The following ZNF532 variants were observed in gnomAD, a reference collection of about 807,000 sequenced individuals.
ZNF532 encodes the protein zinc finger protein 532.
ZNF532 carries 22 observed loss-of-function variants against 89.3 expected under a neutral mutation model. That is an observed-to-expected ratio of 0.25 (90% CI 0.18 to 0.35). The LOEUF (loss-of-function observed/expected upper bound fraction) is 0.35. Among genes scored for constraint, ZNF532 ranks in the 10% least tolerant of loss-of-function variants. The pLI is 1.00. For synonymous variants in ZNF532, 606 were observed against 649.6 expected (o/e 0.93, Z 1.02); for missense variants, 1,132 against 1,643.4 (o/e 0.69, Z 5.38).
chr18:58,967,632 A>G (rs914092560), intron 7 of ZNF532, among the ~76,000 whole-genome samples: 22 of 151,840 alleles, frequency 1.4e-4, no homozygotes, highest in African/African-American at 4.8e-4. Context: ...CCTCAAGGGC[A>G]TGGAGAGCCT....
chr18:58,913,118 G>C (rs576088912), intron 2 of ZNF532, among the ~76,000 whole-genome samples: 11 of 152,084 alleles, frequency 7.2e-5, no homozygotes, highest in African/African-American at 2.7e-4. Context: ...AGTTGGAAGA[G>C]AAGAGAGAAG....
intron 2 of ZNF532, among the ~76,000 whole-genome samples, chr18:58,883,494 TG>T (rs1023705705): frequency 2.6e-5 from 4 of 152,168 alleles, no homozygotes; most frequent in African/African-American, 9.7e-5. Flanking sequence ...CAGGGTCGGC[TG>T]GAACAGAGAA....
intron 7 of ZNF532, among the ~76,000 whole-genome samples, chr18:58,975,639 T>G (rs1328936517): frequency 6.6e-6 from 1 of 152,202 alleles, no homozygotes; most frequent in Non-Finnish European, 1.5e-5. Flanking sequence ...ATTAATGCTT[T>G]CTTTCCTGAA....
chr18:58,917,871 A>G (rs1189050181), intron 2 of ZNF532, among the ~76,000 whole-genome samples: 1 of 152,188 alleles, frequency 6.6e-6, no homozygotes, highest in African/African-American at 2.4e-5. Context: ...GGTGACGATG[A>G]TAGTGATAAT....
chr18:58,879,161 G>A (rs1384646324), intron 2 of ZNF532, among the ~76,000 whole-genome samples: 1 of 152,088 alleles, frequency 6.6e-6, no homozygotes, highest in East Asian at 1.9e-4. Flanking sequence ...GGCGGGGCCT[G>A]CTACAGTAGG....
chr18:58,938,377 G>C (rs1603240237), intron 4 of ZNF532, among the ~76,000 whole-genome samples: 2 of 152,204 alleles, frequency 1.3e-5, no homozygotes, highest in African/African-American at 2.4e-5. Context: ...AAAAAGATGA[G>C]ATAGAGGAGA....
intron 2 of ZNF532, among the ~76,000 whole-genome samples, chr18:58,868,160 G>C (rs1271921552): frequency 6.6e-6 from 1 of 152,160 alleles, no homozygotes; most frequent in Non-Finnish European, 1.5e-5. Context: ...TGAAGCAGAG[G>C]TTGCCAACAC....
chr18:58,925,243 AGGGATCCAGTTTC>A (rs1214571580), intron 3 of ZNF532, among the ~76,000 whole-genome samples: 5 of 152,172 alleles, frequency 3.3e-5, no homozygotes, highest in Admixed American at 1.3e-4. Context: ...GCAACACACG[AGGGATCCAGTTTC>A]TCTGCATCCT....
chr18:58,958,703 C>T (rs1603295211), intron 7 of ZNF532, among the ~76,000 whole-genome samples: 1 of 152,334 alleles, frequency 6.6e-6, no homozygotes, highest in South Asian at 2.1e-4. Flanking sequence ...ACACAAGTTG[C>T]AGTCTAGGTT....
intron 4 of ZNF532, among the ~76,000 whole-genome samples, chr18:58,937,805 A>G (rs1018119516): frequency 9.9e-5 from 15 of 152,222 alleles, no homozygotes; most frequent in African/African-American, 3.6e-4. Flanking sequence ...ACTGGCCCAG[A>G]GAGGAGCATT....
intron 2 of ZNF532, among the ~76,000 whole-genome samples, chr18:58,911,180 G>A (rs1200093049): frequency 6.6e-6 from 1 of 152,232 alleles, no homozygotes; most frequent in African/African-American, 2.4e-5. Context: ...GAGCACCAAG[G>A]GTTCCAGGGT....
At chr18:58,944,828 C>CT (rs1175537327) in intron 5 of ZNF532, among the ~76,000 whole-genome samples, 4 of 152,172 alleles carry the variant, frequency 2.6e-5, no homozygotes, top group Admixed American at 6.5e-5. Context: ...ATCTTTGCAT[C>CT]TTTTTCCCCC....
intron 2 of ZNF532, among the ~76,000 whole-genome samples, chr18:58,885,042 T>A (rs1398748624): frequency 1.3e-5 from 2 of 151,520 alleles, no homozygotes; most frequent in Non-Finnish European, 1.5e-5. Context: ...AGGTTAGAGT[T>A]CAGTGGCATG....
At chr18:58,942,073 A>T (rs1181987014) in intron 5 of ZNF532, among the ~76,000 whole-genome samples, 3 of 137,894 alleles carry the variant, frequency 2.2e-5, no homozygotes, top group Admixed American at 8.0e-5. Context: ...CCCAGGCTGG[A>T]GTGCAGTGGC....
At chr18:58,926,692 T>G (rs1388521191) in intron 3 of ZNF532, among the ~76,000 whole-genome samples, 1 of 152,218 alleles carries the variant, frequency 6.6e-6, no homozygotes, top group Non-Finnish European at 1.5e-5. Flanking sequence ...TTGTTAGATT[T>G]CTTTTTTCAA....
chr18:58,963,679 C>T (rs756188753), intron 7 of ZNF532, among the ~76,000 whole-genome samples: 10 of 150,442 alleles, frequency 6.6e-5, no homozygotes, highest in Non-Finnish European at 1.3e-4. Flanking sequence ...CCCACTTGGC[C>T]GGGTGCAGTG....
intron 2 of ZNF532, among the ~76,000 whole-genome samples, chr18:58,872,151 T>C (rs986773818): frequency 6.6e-6 from 1 of 152,154 alleles, no homozygotes; most frequent in African/African-American, 2.4e-5. Flanking sequence ...ACATATTCCT[T>C]ATGAAGGATC....
In ZNF532 at chr18:58,919,098, A is replaced by G; in HGVS notation, c.811A>G (p.Ile271Val). ...GTCGTCCTCCAAGCTCTCGTCCTGC[A>G]TCGCTGCCATCGCGGCTCTCAGCGC... Reference protein sequence around the residue: ...TKSSSKLSSCIAAIAALSAKK... With the variant: ...TKSSSKLSSCVAAIAALSAKK... The change falls in exon 3 of 10, where the codon ATC becomes GTC. Residue 271 changes from isoleucine to valine, a missense_variant. Ile to Val is a conservative substitution (Grantham distance 29, BLOSUM62 3). Around this residue, in one of 9 missense-constraint regions of ZNF532, gnomAD observed 302 missense variants for 319.8 expected, o/e 0.94. Coordinates refer to ENST00000591808, the MANE Select transcript of ZNF532 (RefSeq NM_001375912.1). The surrounding 1 kb of genome is among the most constrained non-coding windows in gnomAD (Gnocchi z 6.1). The G allele has an allele frequency of 9.9e-6, 16 of 1,614,212 alleles. No homozygotes were observed. The highest frequency in any genetic ancestry group is 1.4e-5 in the Non-Finnish European group (16 of 1,180,032).
At chr18:58,904,927 C>T (rs1236601891) in intron 2 of ZNF532, among the ~76,000 whole-genome samples, 4 of 151,586 alleles carry the variant, frequency 2.6e-5, no homozygotes, top group South Asian at 2.1e-4. Flanking sequence ...CTGCAACCTC[C>T]GACTCCAGAG....
Sources: gnomAD v4.1 joint callset for allele counts (sites outside exome capture counted in the v4.1 genomes callset) on GRCh38, gnomAD v4.1.1 for gene constraint, gnomAD v4.1.1 regional missense constraint, Gnocchi (gnomAD v3.1) non-coding constraint, MANE v1.5 for transcripts, NCBI Gene and HGNC (gene_info 2026-07-23, HGNC 2026-07-21) for gene names.